MED12L: variants seen among roughly 807,000 people sequenced by gnomAD.
The protein encoded by MED12L is mediator of RNA polymerase II transcription subunit 12-like protein.
MED12L carries 60 observed loss-of-function variants against 281.3 expected under a neutral mutation model. That is an observed-to-expected ratio of 0.21 (90% CI 0.17 to 0.26). The LOEUF is 0.26. Among genes scored for constraint, MED12L ranks in the 10% least tolerant of loss-of-function variants. The pLI, the probability that MED12L is intolerant of heterozygous loss-of-function variation, is 1.00. For synonymous variants in MED12L, 974 were observed against 987.2 expected, an observed-to-expected ratio of 0.99 and a Z score of 0.25; for missense variants, 2,146 against 2,680.9, an observed-to-expected ratio of 0.80 and a Z score of 4.41.
At chr3:151,223,175 C>CAAAAAAAAAA (rs10646837) in intron 16 of MED12L, among the ~76,000 whole-genome samples, 1 of 127,124 alleles carries the variant, frequency 7.9e-6, no homozygotes. Context: ...TTAAAAAGTC[C>CAAAAAAAAAA]AAAAAAAAAA....
intron 3 of MED12L, among the ~76,000 whole-genome samples, chr3:151,117,399 T>C (rs1453842493): frequency 6.6e-6 from 1 of 152,166 alleles, no homozygotes; most frequent in African/African-American, 2.4e-5. Flanking sequence ...TACTGGAGTG[T>C]CATTCTTTCT....
At position 151,122,766 on chromosome 3, in the gene MED12L, T is replaced by A; in HGVS notation, c.205-17T>A. The stretch of plus-strand genomic sequence containing the variant: ...CTTATTGTCTTAACTTTCCCTTTTT[T>A]TCTCTTCTTTCCACAGATTGGAGCT... On this transcript the variant is annotated splice_polypyrimidine_tract_variant and intron_variant, in intron 3 of 44. Coordinates refer to ENST00000687756, the MANE Select transcript of MED12L (RefSeq NM_001393769.1). The A allele has an allele frequency of 6.4e-7, 1 of 1,558,700 alleles. No individual in the cohort carries two copies. Among genetic ancestry groups the A allele is most frequent in the Non-Finnish European group, 8.7e-7 (1 of 1,152,840 alleles).
intron 16 of MED12L, among the ~76,000 whole-genome samples, chr3:151,206,384 G>T (rs1248348460): frequency 1.3e-5 from 2 of 151,830 alleles, no homozygotes; most frequent in African/African-American, 4.8e-5. Flanking sequence ...ACATTACCCT[G>T]TCATTTCCCC....
At chr3:151,201,384 A>G (rs1042337167) in intron 16 of MED12L, among the ~76,000 whole-genome samples, 11 of 152,176 alleles carry the variant, frequency 7.2e-5, no homozygotes, top group Admixed American at 2.0e-4. Flanking sequence ...TGGGGTCTCT[A>G]TTATTCTGTG....
chr3:151,376,236 T>C, intron 28 of MED12L, 22 bp downstream of exon 28: 1 of 1,368,778 alleles, frequency 7.3e-7, no homozygotes, highest in Non-Finnish European at 9.5e-7. Context: ...ACAGATTGTG[T>C]TTCTGTCATT....
At position 151,341,823 on chromosome 3, in the gene MED12L, T is replaced by C. The variant is rs574691864; in HGVS notation, c.2251-8236T>C. On this transcript the variant is annotated intron_variant, in intron 16 of 44. Coordinates refer to ENST00000687756, the MANE Select transcript of MED12L (RefSeq NM_001393769.1). ...GTTCCCACCTATGAGTGAGAATATG[T>C]GGTGTTTGGTTTTTTGTTCTTGCGA... Among the ~76,000 whole-genome samples the C allele has an allele frequency of 1.8e-3, 276 of 151,104 alleles. 1 individual carries two copies. Among genetic ancestry groups the C allele is most frequent in the Non-Finnish European group, 3.1e-3 (207 of 67,848 alleles).
chr3:151,357,545 A>G (rs1389745776), intron 20 of MED12L, among the ~76,000 whole-genome samples, 169 bp downstream of exon 20: 3 of 152,208 alleles, frequency 2.0e-5, no homozygotes, highest in Non-Finnish European at 4.4e-5. Context: ...CTAAGCATGT[A>G]AAGTATGTTC....
chr3:151,151,030 G>GTTTTTTTTTTTTTTTT (rs1342933481), intron 5 of MED12L, among the ~76,000 whole-genome samples: 3 of 11,804 alleles, frequency 2.5e-4, no homozygotes, highest in Non-Finnish European at 5.7e-4. Context: ...TGCTGAAGTA[G>GTTTTTTTTTTTTTTTT]CTTTTTTTTT....
chr3:151,250,755 C>G (rs1409563627), intron 16 of MED12L, among the ~76,000 whole-genome samples: 1 of 152,178 alleles, frequency 6.6e-6, no homozygotes, highest in African/African-American at 2.4e-5. Context: ...GCTTAAGACC[C>G]TACTTTCAGT....
At chr3:151,227,709 A>C (rs1730818935) in intron 16 of MED12L, among the ~76,000 whole-genome samples, 1 of 152,208 alleles carries the variant, frequency 6.6e-6, no homozygotes, top group South Asian at 2.1e-4. Context: ...GAAAATGGCC[A>C]CCCACTGTTA....
chr3:151,214,829 A>C (rs952667735), intron 16 of MED12L, among the ~76,000 whole-genome samples: 1 of 152,160 alleles, frequency 6.6e-6, no homozygotes, highest in Non-Finnish European at 1.5e-5. Context: ...GTAACTGTAA[A>C]AGCAGAATTA....
chr3:151,286,793 A>G (rs1743569502), intron 16 of MED12L, among the ~76,000 whole-genome samples: 1 of 152,210 alleles, frequency 6.6e-6, no homozygotes, highest in African/African-American at 2.4e-5. Flanking sequence ...TTCACTCTCA[A>G]AAGTGTCCTG....
At chr3:151,366,588 AT>A (rs1274202731) in intron 23 of MED12L, among the ~76,000 whole-genome samples, 4 of 152,044 alleles carry the variant, frequency 2.6e-5, no homozygotes, top group Non-Finnish European at 5.9e-5. Context: ...ATCTGTCTTG[AT>A]TCTTTACTTC....
At chr3:151,136,512 A>C (rs79101570) in intron 5 of MED12L, among the ~76,000 whole-genome samples, 1 of 152,196 alleles carries the variant, frequency 6.6e-6, no homozygotes, top group Non-Finnish European at 1.5e-5. Flanking sequence ...GGCATGAAAA[A>C]TAGGTTTTAA....
intron 16 of MED12L, among the ~76,000 whole-genome samples, chr3:151,236,530 G>A (rs949218008): frequency 2.0e-5 from 3 of 152,160 alleles, no homozygotes; most frequent in African/African-American, 7.2e-5. Context: ...ACAGTAAGCA[G>A]CTGCTCTTGT....
chr3:151,320,028 G>A (rs1748808308), intron 16 of MED12L, among the ~76,000 whole-genome samples: 1 of 152,166 alleles, frequency 6.6e-6, no homozygotes. Flanking sequence ...TTTTTGATAT[G>A]AGACATTGAG....
At chr3:151,294,637 C>T (rs1370704453) in intron 16 of MED12L, 2 of 1,614,024 alleles carry the variant, frequency 1.2e-6, no homozygotes, top group African/African-American at 2.7e-5. Flanking sequence ...CTGCCGTATG[C>T]CATTTGACCC....
chr3:151,200,203 A>AGTCTT (rs1219139397), intron 16 of MED12L, among the ~76,000 whole-genome samples: 1 of 152,106 alleles, frequency 6.6e-6, no homozygotes, highest in Non-Finnish European at 1.5e-5. Context: ...ATGACAATGA[A>AGTCTT]GTCTTGTCAT....
chr3:151,173,493 C>G (rs12636713), intron 11 of MED12L, among the ~76,000 whole-genome samples: 11,312 of 152,104 alleles, frequency 0.074, 968 homozygotes, highest in African/African-American at 0.2. Context: ...CAATTTTCAC[C>G]AACAATTTCC....
Sources: gnomAD v4.1 joint callset for allele counts (sites outside exome capture counted in the v4.1 genomes callset) on GRCh38, gnomAD v4.1.1 for gene constraint, MANE v1.5 for transcripts, NCBI Gene and HGNC (gene_info 2026-07-23, HGNC 2026-07-21) for gene names.